The following TMEM217 variants were observed in gnomAD, a reference collection of about 807,000 sequenced individuals.
TMEM217 encodes the protein transmembrane protein 217.
For synonymous variants in TMEM217, 76 were observed against 88.3 expected (o/e 0.86, Z 0.78); for missense variants, 204 against 248.8 (o/e 0.82, Z 1.21).
intron 1 of TMEM217, among the ~76,000 whole-genome samples, chr6:37,249,001 A>G (rs915380601): frequency 6.6e-6 from 1 of 152,092 alleles, no homozygotes; most frequent in African/African-American, 2.4e-5. Flanking sequence ...CATCACTCCA[A>G]TCTGCCTCTG....
chr6:37,244,559 T>TCA (rs1187322384), intron 1 of TMEM217, among the ~76,000 whole-genome samples: 1 of 152,212 alleles, frequency 6.6e-6, no homozygotes, highest in Non-Finnish European at 1.5e-5. Context: ...TCTTTCTCTG[T>TCA]GTAAGTCAGA....
At chr6:37,219,103 G>C (rs772297697) in intron 1 of TMEM217, 62 bp from the exon 2 acceptor site, 23 of 1,430,076 alleles carry the variant, frequency 1.6e-5, no homozygotes, top group Non-Finnish European at 2.1e-5. Flanking sequence ...AATTACCAGG[G>C]TTTCTGCCTC....
intron 1 of TMEM217, among the ~76,000 whole-genome samples, chr6:37,256,639 G>T (rs1765751087): frequency 6.6e-6 from 1 of 151,686 alleles, no homozygotes; most frequent in Non-Finnish European, 1.5e-5. Context: ...AGAAACCGTC[G>T]TTGGAGGACA....
downstream of TMEM217, chr6:37,215,101 T>C: frequency 6.6e-7 from 1 of 1,514,922 alleles, no homozygotes; most frequent in Non-Finnish European, 8.9e-7. Context: ...GTCTCCACCC[T>C]CGGCACCTCT....
chr6:37,222,260 T>C (rs887004107), intron 1 of TMEM217, among the ~76,000 whole-genome samples: 1 of 152,198 alleles, frequency 6.6e-6, no homozygotes, highest in Non-Finnish European at 1.5e-5. Context: ...GGGTGGGGCC[T>C]TACTGAGGAC....
chr6:37,233,830 G>A (rs1440685775), intron 1 of TMEM217, among the ~76,000 whole-genome samples: 3 of 152,032 alleles, frequency 2.0e-5, no homozygotes, highest in Non-Finnish European at 4.4e-5. Flanking sequence ...TCGATGGTTC[G>A]ACTTAAATTT....
intron 1 of TMEM217, among the ~76,000 whole-genome samples, chr6:37,249,980 A>C (rs1230040498): frequency 1.3e-5 from 2 of 152,242 alleles, no homozygotes; most frequent in African/African-American, 4.8e-5. Context: ...CAGAGTTCAT[A>C]GTGGCACAGA....
intron 1 of TMEM217, among the ~76,000 whole-genome samples, chr6:37,237,237 T>C (rs771843868): frequency 1.3e-5 from 2 of 152,154 alleles, no homozygotes; most frequent in Non-Finnish European, 2.9e-5. Flanking sequence ...CAATCAAAGT[T>C]CCCGCATTTG....
intron 1 of TMEM217, among the ~76,000 whole-genome samples, chr6:37,221,333 TG>T (rs2113820833): frequency 6.6e-6 from 1 of 151,994 alleles, no homozygotes; most frequent in South Asian, 2.1e-4. Flanking sequence ...ACTACAGGAG[TG>T]CACCACCACA....
exon 2 of TMEM217, chr6:37,218,651 A>G: frequency 6.2e-7 from 1 of 1,614,194 alleles, no homozygotes; most frequent in East Asian, 2.2e-5. Flanking sequence ...AAACCAGCGC[A>G]TGATTCTGAC....
chr6:37,257,205 C>G (rs752439402), intron 1 of TMEM217, among the ~76,000 whole-genome samples: 19 of 152,132 alleles, frequency 1.2e-4, no homozygotes, highest in Non-Finnish European at 2.4e-4. Flanking sequence ...AATTTTTAAC[C>G]CACAGCACAA....
chr6:37,223,952 T>C (rs1404173395), intron 1 of TMEM217, among the ~76,000 whole-genome samples: 1 of 146,382 alleles, frequency 6.8e-6, no homozygotes, highest in East Asian at 2.0e-4. Flanking sequence ...TTTTTTTTTT[T>C]CTGGAGACAG....
At chr6:37,224,090 C>CCAT (rs1384251382) in intron 1 of TMEM217, among the ~76,000 whole-genome samples, 4 of 151,730 alleles carry the variant, frequency 2.6e-5, no homozygotes, top group Non-Finnish European at 5.9e-5. Flanking sequence ...GCGCCCACCA[C>CCAT]CATGCCTGGC....
chr6:37,253,468 A>G (rs1765561944), intron 1 of TMEM217, among the ~76,000 whole-genome samples: 1 of 152,030 alleles, frequency 6.6e-6, no homozygotes, highest in Non-Finnish European at 1.5e-5. Flanking sequence ...TTACTTTTTC[A>G]GTCTTTTTGC....
chr6:37,257,563 C>T lies in TMEM217; in HGVS notation c.-12+5G>A, dbSNP rs1024834861. 2 of 338,228 alleles carry T rather than the reference C, an allele frequency of 5.9e-6. No homozygotes were observed. Among genetic ancestry groups the T allele is most frequent in the African/African-American group, 2.2e-5 (1 of 46,138 alleles). 21.0% of individuals were successfully genotyped at this position (338,228 alleles called of 1,614,324 possible). On this transcript the variant is annotated splice_donor_5th_base_variant and intron_variant, in intron 1 of 1. Coordinates refer to ENST00000357219, the Ensembl canonical transcript of TMEM217. ...CTCTTCCTTCCCATAGGTCCCTTAC[C>T]TTACCTGCTTCTTCCCTCTCGCGGG...
In TMEM217 at chr6:37,250,424, C is replaced by T. The variant is rs73417896; in HGVS notation, c.-12+7144G>A. On this transcript the variant is annotated intron_variant, in intron 1 of 1. Coordinates refer to ENST00000357219, the Ensembl canonical transcript of TMEM217. ...TCTCTTGTGTGTATGATATATTTAG[C>T]GTCCCATGAAAAAATTCTACTATAG... Among the ~76,000 whole-genome samples the T allele has an allele frequency of 1.9e-3, 285 of 152,222 alleles. 1 individual carries two copies. The highest frequency in any genetic ancestry group is 6.5e-3 in the African/African-American group (271 of 41,532).
intron 1 of TMEM217, among the ~76,000 whole-genome samples, chr6:37,232,424 C>A (rs9462287): frequency 3.3e-4 from 51 of 152,240 alleles, no homozygotes; most frequent in African/African-American, 1.1e-3. Context: ...CTCGCTCTGT[C>A]GCCCAGGCTG....
intron 1 of TMEM217, among the ~76,000 whole-genome samples, chr6:37,231,539 G>A (rs1030617083): frequency 2.0e-5 from 3 of 150,356 alleles, no homozygotes; most frequent in African/African-American, 7.3e-5. Context: ...CAGTCATGGT[G>A]GCGTGCACCT....
intron 1 of TMEM217, among the ~76,000 whole-genome samples, chr6:37,251,711 G>A (rs977665754): frequency 2.0e-5 from 3 of 152,156 alleles, no homozygotes; most frequent in Non-Finnish European, 2.9e-5. Flanking sequence ...CTGGAGAGAC[G>A]GAGGGGAATG....
Sources: allele counts gnomAD v4.1 joint callset (sites outside exome capture counted in the v4.1 genomes callset), GRCh38; gene constraint gnomAD v4.1.1; transcripts MANE v1.5; gene names NCBI Gene and HGNC (gene_info 2026-07-23, HGNC 2026-07-21).